GRM8: variants seen among roughly 807,000 people sequenced by gnomAD.
GRM8 encodes the protein metabotropic glutamate receptor 8.
Under a neutral mutation model 87.2 loss-of-function variants are expected in GRM8, and 47 were observed. That is an observed-to-expected ratio of 0.54 (90% confidence interval 0.43 to 0.69). The LOEUF (loss-of-function observed/expected upper bound fraction) is 0.69, where lower values mean the gene tolerates loss of function less well. Among genes scored for constraint, GRM8 ranks in the 30% least tolerant of loss-of-function variants. The pLI is 0.00. For synonymous variants in GRM8, 396 were observed against 404.5 expected (o/e 0.98, Z 0.25); for missense variants, 1,019 against 1,139.2 (o/e 0.89, Z 1.52).
At chr7:126,968,415 G>C (rs932688374) in intron 3 of GRM8, among the ~76,000 whole-genome samples, 4 of 152,136 alleles carry the variant, frequency 2.6e-5, no homozygotes, top group African/African-American at 9.7e-5. Context: ...GACTGCTGCT[G>C]TAAGGCCAAG....
chr7:126,925,584 AATT>A (rs754823573), intron 3 of GRM8, among the ~76,000 whole-genome samples: 25 of 152,214 alleles, frequency 1.6e-4, no homozygotes, highest in Non-Finnish European at 2.6e-4. Flanking sequence ...CAGCATTAAA[AATT>A]ATTATTTCTT....
At chr7:126,445,174 A>C (rs1243015720) in intron 10 of GRM8, 1 of 152,112 alleles carries the variant, frequency 6.6e-6, no homozygotes, top group African/African-American at 2.4e-5. Context: ...CAAACAGAAA[A>C]AACAAATATT....
intron 3 of GRM8, among the ~76,000 whole-genome samples, chr7:126,928,257 G>A (rs2131413512): frequency 6.6e-6 from 1 of 152,092 alleles, no homozygotes; most frequent in Non-Finnish European, 1.5e-5. Context: ...GATAGCATTA[G>A]GAGAAATACC....
chr7:126,617,867 A>G (rs1042640606), intron 7 of GRM8, among the ~76,000 whole-genome samples: 3 of 152,162 alleles, frequency 2.0e-5, no homozygotes, highest in South Asian at 2.1e-4. Flanking sequence ...ACTGCTCAAC[A>G]AAATAAAAGA....
At chr7:127,057,533 T>G (rs1038496388) in intron 3 of GRM8, among the ~76,000 whole-genome samples, 1 of 152,198 alleles carries the variant, frequency 6.6e-6, no homozygotes, top group Non-Finnish European at 1.5e-5. Flanking sequence ...TATAAAGGTT[T>G]TTCCAAGATT....
chr7:126,491,500 G>T (rs28690859), intron 9 of GRM8, among the ~76,000 whole-genome samples: 1,843 of 152,084 alleles, frequency 0.012, 35 homozygotes, highest in African/African-American at 0.038. Flanking sequence ...AATTTACAGT[G>T]CTTGCATTTT....
At chr7:127,088,899 G>A (rs1039290298) in intron 3 of GRM8, among the ~76,000 whole-genome samples, 2 of 152,246 alleles carry the variant, frequency 1.3e-5, no homozygotes, top group East Asian at 3.8e-4. Context: ...GTGATTGCTT[G>A]AGTGATGAAC....
intron 6 of GRM8, among the ~76,000 whole-genome samples, chr7:126,825,021 T>A (rs951292941): frequency 1.3e-5 from 2 of 152,208 alleles, no homozygotes; most frequent in Admixed American, 6.5e-5. Flanking sequence ...ATGTTTGGTG[T>A]CTGTTGCTGC....
chr7:127,063,898 A>G (rs17865284), intron 3 of GRM8, among the ~76,000 whole-genome samples: 345 of 152,262 alleles, frequency 2.3e-3, no homozygotes, highest in African/African-American at 8.1e-3. Context: ...GTCATTCAGG[A>G]GCATGTTGTT....
chr7:126,531,347 T>C (rs1212578130), intron 9 of GRM8, among the ~76,000 whole-genome samples: 1 of 152,242 alleles, frequency 6.6e-6, no homozygotes, highest in African/African-American at 2.4e-5. Context: ...TATTTTATAA[T>C]GTGTCTTTCA....
chr7:126,676,640 A>G (rs1161253863), intron 7 of GRM8, among the ~76,000 whole-genome samples: 1 of 152,152 alleles, frequency 6.6e-6, no homozygotes, highest in Non-Finnish European at 1.5e-5. Context: ...CACTCTATTC[A>G]ATAAATGGTG....
intron 7 of GRM8, among the ~76,000 whole-genome samples, chr7:126,626,143 A>C (rs1800663695): frequency 8.3e-6 from 1 of 120,168 alleles, no homozygotes; most frequent in South Asian, 2.9e-4. Flanking sequence ...CATATGGTCC[A>C]ACCTTTTCAA....
intron 7 of GRM8, among the ~76,000 whole-genome samples, chr7:126,752,994 A>C (rs974312911): frequency 1.3e-5 from 2 of 152,100 alleles, no homozygotes; most frequent in African/African-American, 4.8e-5. Flanking sequence ...AGCTCCTAAC[A>C]ATGCCTAGTA....
At chr7:126,698,640 C>T (rs916133724) in intron 7 of GRM8, among the ~76,000 whole-genome samples, 5 of 152,134 alleles carry the variant, frequency 3.3e-5, no homozygotes, top group South Asian at 4.2e-4. Context: ...TGAAACCTTT[C>T]CTAATCAAGC....
At chr7:126,947,098 G>A (rs546415306) in intron 3 of GRM8, among the ~76,000 whole-genome samples, 1 of 152,154 alleles carries the variant, frequency 6.6e-6, no homozygotes, top group African/African-American at 2.4e-5. Context: ...GGTGTGTCAT[G>A]TCAAGTACCC....
chr7:126,766,756 G>A (rs1301226902), intron 7 of GRM8, among the ~76,000 whole-genome samples: 1 of 152,034 alleles, frequency 6.6e-6, no homozygotes, highest in African/African-American at 2.4e-5. Flanking sequence ...ACCTTGTTTT[G>A]GCCAATGGCC....
intron 3 of GRM8, among the ~76,000 whole-genome samples, chr7:126,948,830 G>A (rs1299936879): frequency 6.6e-6 from 1 of 152,216 alleles, no homozygotes; most frequent in Non-Finnish European, 1.5e-5. Context: ...GGCTCAGTGC[G>A]TAAATGCTGT....
intron 3 of GRM8, among the ~76,000 whole-genome samples, chr7:127,028,714 T>G (rs1817055453): frequency 6.6e-6 from 1 of 152,122 alleles, no homozygotes; most frequent in Non-Finnish European, 1.5e-5. Flanking sequence ...ATCTATTTGA[T>G]CCTTCTTTCT....
At chr7:126,933,594 T>C (rs1450681137) in intron 3 of GRM8, among the ~76,000 whole-genome samples, 2 of 152,188 alleles carry the variant, frequency 1.3e-5, no homozygotes, top group Non-Finnish European at 1.5e-5. Flanking sequence ...CGGCTGATAA[T>C]GTAGGAGGAC....
Sources: allele counts gnomAD v4.1 joint callset (sites outside exome capture counted in the v4.1 genomes callset), GRCh38; gene constraint gnomAD v4.1.1; transcripts MANE v1.5; gene names NCBI Gene and HGNC (gene_info 2026-07-23, HGNC 2026-07-21).